The following WDR18 variants were observed in gnomAD, a reference collection of about 807,000 sequenced individuals.
The protein encoded by WDR18 is WD repeat-containing protein 18.
A neutral mutation model predicts 49.6 loss-of-function variants in WDR18; 33 were observed. The observed-to-expected ratio is 0.67, with a 90% CI of 0.50 to 0.89. The LOEUF (loss-of-function observed/expected upper bound fraction) is 0.89. Among genes scored for constraint, WDR18 ranks in the 40% least tolerant of loss-of-function variants. The probability of loss-of-function intolerance (pLI) is 0.00; values close to 1 mark genes in which losing one functional copy is unlikely to be tolerated. For missense variants in WDR18, 653 were observed against 593.6 expected (o/e 1.10, Z -1.04); for synonymous variants, 315 against 263.6 (o/e 1.19, Z -1.89).
At chr19:988,933 C>T (rs1168760624) in intron 2 of WDR18, among the ~76,000 whole-genome samples, 2 of 152,142 alleles carry the variant, frequency 1.3e-5, no homozygotes, top group Admixed American at 6.5e-5. Flanking sequence ...TCACAGGTCC[C>T]AGGTCGGGAC....
chr19:991,166 C>T (rs1478667257), intron 6 of WDR18, 21 bp downstream of exon 6: 5 of 1,554,272 alleles, frequency 3.2e-6, no homozygotes, highest in Admixed American at 1.9e-5. Flanking sequence ...GGGAACGGGG[C>T]GGGGGCTCCC....
chr19:984,193 G>C (rs1376718497), upstream of WDR18: 1 of 777,386 alleles, frequency 1.3e-6, no homozygotes, highest in African/African-American at 1.9e-5. Flanking sequence ...TCAGGTAAGC[G>C]GGAAATCCCA....
intron 2 of WDR18, among the ~76,000 whole-genome samples, chr19:988,553 A>G (rs1040002713): frequency 2.6e-5 from 4 of 152,206 alleles, no homozygotes; most frequent in African/African-American, 9.7e-5. Context: ...CATGGCTGTC[A>G]GATCTGGGCC....
At chr19:990,400 G>A in intron 4 of WDR18, 36 bp downstream of exon 4, 1 of 1,484,254 alleles carries the variant, frequency 6.7e-7, no homozygotes, top group East Asian at 2.5e-5. Context: ...TCCATGAGCG[G>A]AGCCCAGCAG....
Position 994,004 on chromosome 19 carries a change from G to A in WDR18, c.1099-16G>A, listed in dbSNP as rs1164455825. 3.9e-6 allele frequency: 6 copies of A among 1,550,462 alleles called. No individual in the cohort carries two copies. Among genetic ancestry groups the A allele is most frequent in the Non-Finnish European group, 5.2e-6 (6 of 1,147,698 alleles). ...ACAGGACGCGCCCCGAGGTCACGTGGCTCCCTGTGTTACAGGGCTCGGAGC... is the reference window on the plus strand; with the variant it reads ...ACAGGACGCGCCCCGAGGTCACGTGACTCCCTGTGTTACAGGGCTCGGAGC... On this transcript the variant is annotated splice_polypyrimidine_tract_variant and intron_variant, in intron 8 of 9. Coordinates refer to ENST00000585809, the MANE Select transcript of WDR18 (RefSeq NM_024100.4).
At chr19:985,837 G>T in intron 1 of WDR18, 28 bp from the exon 2 acceptor site, 1 of 1,610,622 alleles carries the variant, frequency 6.2e-7, no homozygotes, top group Non-Finnish European at 8.5e-7. Context: ...CCTGCATGGG[G>T]CTCACGAGGC....
rs762435457 is a variant in WDR18, at chr19:991,213, G to C, written c.807-14G>C. On this transcript the variant is annotated splice_polypyrimidine_tract_variant and intron_variant, in intron 6 of 9. Transcript: ENST00000585809. ...GTCTGGCACGTCCCAGGTGACCCCT[G>C]TCTGTCTGTCCAGGAACCAGGTGAC... 2 of 1,562,302 alleles carry C rather than the reference G, an allele frequency of 1.3e-6. No individual in the cohort carries two copies. The highest frequency in any genetic ancestry group is 1.7e-6 in the Non-Finnish European group (2 of 1,151,840).
chr19:986,383 T>A (rs1271064543), intron 2 of WDR18, among the ~76,000 whole-genome samples: 1 of 152,094 alleles, frequency 6.6e-6, no homozygotes, highest in East Asian at 1.9e-4. Flanking sequence ...AATCCTCCTG[T>A]CTCAGTCTCC....
rs1318571830 is a variant in WDR18, at chr19:991,215, C to G, written c.807-12C>G. 2 of 1,566,234 alleles carry G rather than the reference C, an allele frequency of 1.3e-6. No individual in the cohort carries two copies. The highest frequency in any genetic ancestry group is 3.6e-5 in the Admixed American group (2 of 54,900). ...CTGGCACGTCCCAGGTGACCCCTGT[C>G]TGTCTGTCCAGGAACCAGGTGACTT... On this transcript the variant is annotated splice_polypyrimidine_tract_variant and intron_variant, in intron 6 of 9. Transcript: ENST00000585809.
chr19:989,906 G>T lies in WDR18; in HGVS notation c.455+11G>T, dbSNP rs780150130. ...TTGGAGCCTCTGCAGGTAGCGCCTTGCGCACTCAGGCCTGCACCTGGAACT... is the reference window on the plus strand; with the variant it reads ...TTGGAGCCTCTGCAGGTAGCGCCTTTCGCACTCAGGCCTGCACCTGGAACT... On this transcript the variant is annotated intron_variant, in intron 3 of 9. Transcript: ENST00000585809. The T allele has an allele frequency of 1.0e-5, 16 of 1,595,902 alleles. No individual in the cohort carries two copies. The highest frequency in any genetic ancestry group is 1.2e-5 in the Non-Finnish European group (14 of 1,171,300).
rs564639071 is a variant in WDR18, at chr19:986,610, C to T, written c.321+635C>T. ...TACCGCTGGACCAACCAGGTGACAG[C>T]AACTCCTAGACACACTCACAGCCCG... On this transcript the variant is annotated intron_variant, in intron 2 of 9. Coordinates refer to ENST00000585809, the MANE Select transcript of WDR18 (RefSeq NM_024100.4). Among the ~76,000 whole-genome samples, 19 of 152,312 alleles carry T rather than the reference C, an allele frequency of 1.2e-4. No homozygotes were observed. In the East Asian group the frequency reaches 3.7e-3, roughly 29 times the overall value.
chr19:992,176 G>A, intron 8 of WDR18, 55 bp downstream of exon 8: 3 of 1,396,028 alleles, frequency 2.1e-6, no homozygotes. Context: ...AGACCCCGCG[G>A]GCCCTGGGCT....
chr19:991,903 T>C, intron 7 of WDR18, 52 bp from the exon 8 acceptor site: 1 of 1,327,210 alleles, frequency 7.5e-7, no homozygotes, highest in South Asian at 1.5e-5. Flanking sequence ...TGGCTTGCTG[T>C]GGGGTGGGGC....
chr19:989,663 T>C, intron 2 of WDR18, 99 bp from the exon 3 acceptor site: 1 of 1,518,698 alleles, frequency 6.6e-7, no homozygotes, highest in Non-Finnish European at 8.9e-7. Context: ...GGCGACAGTG[T>C]GGCCATGGCC....
Position 991,820 on chromosome 19 carries a change from T to C in WDR18, c.932-135T>C, listed in dbSNP as rs1201396522. 369 of 905,332 alleles carry C rather than the reference T, an allele frequency of 4.1e-4. 9 individuals are homozygous for C. In the South Asian group the frequency reaches 8.0e-3, roughly 20 times the overall value. The allele number at this position is 905,332 out of a possible 1,614,324, so 56.1% of individuals were successfully genotyped here. A position where few individuals can be genotyped will look rare whatever the true frequency, so the allele number is the denominator to read the frequency against. Reference sequence around the variant, plus strand: ...CGTGGACTGGTCGTGGGGCGGGGCCTGGCTGGGGGCGTGGACTGGCTGTGG... The same window carrying C: ...CGTGGACTGGTCGTGGGGCGGGGCCCGGCTGGGGGCGTGGACTGGCTGTGG... On this transcript the variant is annotated intron_variant, in intron 7 of 9. Coordinates refer to ENST00000585809, the MANE Select transcript of WDR18 (RefSeq NM_024100.4).
rs1314393478 is a variant in WDR18 at position 991,984 on chromosome 19, G to C, written c.961G>C (p.Ala321Pro). ...GPVTNAAILLAPVSMLSSDFR... is the reference protein window; with the variant it reads ...GPVTNAAILLPPVSMLSSDFR... ...AGTCACCAATGCCGCCATCCTGCTG[G>C]CGCCCGTCAGCATGCTGAGCTCAGA... Residue 321 changes from alanine to proline, a missense_variant, in exon 8 of 10, where the codon GCG becomes CCG. By Grantham distance (27) the Ala-to-Pro change is conservative (BLOSUM62 -1). Transcript: ENST00000585809. 1 of 1,595,556 alleles carries C rather than the reference G, an allele frequency of 6.3e-7. No individual in the cohort carries two copies. The highest frequency in any genetic ancestry group is 1.4e-5 in the African/African-American group (1 of 73,494).
chr19:993,217 G>A (rs951744400), intron 8 of WDR18, among the ~76,000 whole-genome samples: 1 of 152,228 alleles, frequency 6.6e-6, no homozygotes, highest in African/African-American at 2.4e-5. Context: ...GTGAAAACAG[G>A]CCTCCAGCGG....
intron 8 of WDR18, 79 bp from the exon 9 acceptor site, chr19:993,941 G>C: frequency 1.3e-6 from 2 of 1,499,134 alleles, no homozygotes; most frequent in East Asian, 4.9e-5. Context: ...GGCTGCCCAC[G>C]CTGGCGGGGG....
At position 990,319 on chromosome 19, in the gene WDR18, C is replaced by A; in HGVS notation, c.552C>A (p.Gly184=). The A allele has an allele frequency of 6.3e-7, 1 of 1,593,358 alleles. No homozygotes were observed. The highest frequency in any genetic ancestry group is 1.1e-5 in the South Asian group (1 of 89,978). ...PITDLHCGFG[G]PLARVATSSL... is the part of the protein sequence containing the mutation. ...CGGACCTGCACTGCGGCTTTGGGGG[C>A]CCCCTGGCCCGGGTGGCCACCTCCT... Residue 184 remains glycine, a synonymous_variant, in exon 4 of 10, where the codon GGC becomes GGA. Coordinates refer to ENST00000585809, the MANE Select transcript of WDR18 (RefSeq NM_024100.4).
Sources: gnomAD v4.1 joint callset for allele counts (sites outside exome capture counted in the v4.1 genomes callset) on GRCh38, gnomAD v4.1.1 for gene constraint, MANE v1.5 for transcripts, NCBI Gene and HGNC (gene_info 2026-07-23, HGNC 2026-07-21) for gene names.